The following DNAJB1 variants were observed in gnomAD, a reference collection of about 807,000 sequenced individuals.
DNAJB1 encodes dnaJ homolog subfamily B member 1.
A neutral mutation model predicts 24.0 loss-of-function variants in DNAJB1; 14 were observed. The ratio of observed to expected loss-of-function variants is 0.58; its 90% CI spans 0.39 to 0.91. DNAJB1 has a LOEUF of 0.91. Among genes scored for constraint, DNAJB1 ranks in the 40% least tolerant of loss-of-function variants. The pLI is 0.00. For synonymous variants in DNAJB1, 262 were observed against 174.4 expected (o/e 1.50, Z -3.96); for missense variants, 517 against 458.1 (o/e 1.13, Z -1.17).
chr19:14,530,617 T>C (rs2072604879), upstream of DNAJB1: 1 of 152,188 alleles, frequency 6.6e-6, no homozygotes, highest in Non-Finnish European at 1.5e-5. Flanking sequence ...ATAAAGTGAC[T>C]TGTTCAAAGG....
rs576289631 is a variant in DNAJB1, at chr19:14,548,764, A to G, written c.-214+1444T>C. Among the ~76,000 whole-genome samples the G allele has an allele frequency of 1.8e-3, 280 of 152,026 alleles. 3 individuals are homozygous for G. The highest frequency in any genetic ancestry group is 0.014 in the Middle Eastern group (4 of 294). On this transcript the variant is annotated intron_variant, in intron 1 of 3. Transcript: ENST00000676982. ...GGCTAATTTTTGTATTTTGGTAGAG[A>G]CGGGTTCACCATGTTGGCCAGGCTG...
chr19:14,557,341 A>T (rs1300824976), intron 1 of DNAJB1, among the ~76,000 whole-genome samples: 2 of 150,686 alleles, frequency 1.3e-5, no homozygotes, highest in Non-Finnish European at 3.0e-5. Flanking sequence ...GGGTTTCACC[A>T]TGTTGGGCAG....
At chr19:14,557,504 T>A (rs1333092004) in intron 1 of DNAJB1, among the ~76,000 whole-genome samples, 2 of 149,938 alleles carry the variant, frequency 1.3e-5, no homozygotes, top group African/African-American at 4.9e-5. Flanking sequence ...CAGGCTGGAG[T>A]GCAGTGGTGC....
At position 14,518,364 on chromosome 19, in the gene DNAJB1, G is replaced by A. The variant is rs754487466; in HGVS notation, c.-15C>T. On this transcript the variant is annotated 5_prime_UTR_variant, in exon 1 of 3. Transcript: ENST00000254322. ...TCTTTACCCATGACCCCCTCCTGCG[G>A]CCCGCCGACCCGCTGTCGCCGTCCC... is the stretch of plus-strand genomic sequence containing the variant. 46 of 1,537,430 alleles carry A rather than the reference G, an allele frequency of 3.0e-5. No individual in the cohort carries two copies. The highest frequency in any genetic ancestry group is 3.7e-5 in the South Asian group (3 of 81,924).
intron 2 of DNAJB1, among the ~76,000 whole-genome samples, chr19:14,524,284 T>C (rs959709951): frequency 6.6e-6 from 1 of 152,044 alleles, no homozygotes; most frequent in Non-Finnish European, 1.5e-5. Flanking sequence ...ATCCCAGCAC[T>C]TTTGGAGGCC....
At chr19:14,543,423 T>TA (rs1568406097) in intron 1 of DNAJB1, among the ~76,000 whole-genome samples, 2 of 7,526 alleles carry the variant, frequency 2.7e-4, no homozygotes, top group African/African-American at 7.5e-4. Context: ...ATATATATTT[T>TA]TTTTTTTTTT....
At chr19:14,532,644 G>A (rs2072717739), upstream of DNAJB1, 1 of 152,080 alleles carries the variant, frequency 6.6e-6, no homozygotes, top group Admixed American at 6.6e-5. Context: ...ACCCATAGAG[G>A]CGATAGCTAC....
chr19:14,539,068 G>C (rs2073005434), intron 1 of DNAJB1, among the ~76,000 whole-genome samples: 1 of 149,922 alleles, frequency 6.7e-6, no homozygotes, highest in Non-Finnish European at 1.5e-5. Flanking sequence ...CCGCCTCCCG[G>C]GTTCATGCGA....
At chr19:14,558,404 CT>C (rs1180431166) in intron 1 of DNAJB1, among the ~76,000 whole-genome samples, 1 of 152,234 alleles carries the variant, frequency 6.6e-6, no homozygotes, top group Non-Finnish European at 1.5e-5. Context: ...AACCTCGCCC[CT>C]GCTCCCTCTT....
intron 1 of DNAJB1, among the ~76,000 whole-genome samples, chr19:14,542,188 C>T (rs552805463): frequency 5.2e-4 from 79 of 152,070 alleles, no homozygotes; most frequent in African/African-American, 1.9e-3. Context: ...TGGTCTCCAA[C>T]TCTTGGGCTC....
chr19:14,553,409 A>G (rs1480718155), upstream of DNAJB1, among the ~76,000 whole-genome samples: 2 of 151,652 alleles, frequency 1.3e-5, no homozygotes, highest in Non-Finnish European at 2.9e-5. Context: ...CTTCCTCCCC[A>G]CCCTGGGTGA....
In DNAJB1 at chr19:14,516,668, A is replaced by G. The variant is rs1275237222; in HGVS notation, c.590T>C (p.Ile197Thr). The G allele has an allele frequency of 6.2e-7, 1 of 1,613,886 alleles. No homozygotes were observed. Among genetic ancestry groups the G allele is most frequent in the Non-Finnish European group, 8.5e-7 (1 of 1,179,960 alleles). ...GGTCAATATTTTGTCTTCGTTTCGAATGCTCTTTCCGTCGGGGTTTAGCCG... is the reference window on the plus strand; with the variant it reads ...GGTCAATATTTTGTCTTCGTTTCGAGTGCTCTTTCCGTCGGGGTTTAGCCG... ...HKRLNPDGKS[I>T]RNEDKILTIE... is the part of the protein sequence containing the mutation. The change falls in exon 2 of 3, where the codon ATT (isoleucine) becomes ACT (threonine). Residue 197 changes from isoleucine (I) to threonine (T), a missense_variant. By Grantham distance (89) the Ile-to-Thr change is moderately conservative. Coordinates refer to ENST00000254322, the MANE Select transcript of DNAJB1 (RefSeq NM_006145.3).
In DNAJB1 at chr19:14,518,391, C is replaced by G. The variant is rs758066314; in HGVS notation, c.-42G>C. The G allele has an allele frequency of 5.3e-6, 8 of 1,514,472 alleles. No homozygotes were observed. Among genetic ancestry groups the G allele is most frequent in the Non-Finnish European group, 6.1e-6 (7 of 1,141,152 alleles). 93.8% of individuals were successfully genotyped at this position (1,514,472 alleles called of 1,614,324 possible). On this transcript the variant is annotated 5_prime_UTR_variant, in exon 1 of 3. Coordinates refer to ENST00000254322, the MANE Select transcript of DNAJB1 (RefSeq NM_006145.3). ...CCGCCGACCCGCTGTCGCCGTCCCC[C>G]GGCTCCGCCGCCGACCAGTCCCGGA...
At chr19:14,555,881 C>G (rs868086621) in intron 1 of DNAJB1, among the ~76,000 whole-genome samples, 3 of 152,200 alleles carry the variant, frequency 2.0e-5, no homozygotes, top group African/African-American at 7.2e-5. Flanking sequence ...CCACTGCGCC[C>G]AGCCCACTTT....
chr19:14,547,832 G>GT (rs201720177), intron 1 of DNAJB1, among the ~76,000 whole-genome samples: 194 of 148,582 alleles, frequency 1.3e-3, no homozygotes, highest in Non-Finnish European at 2.1e-3. Context: ...GGCTACTTTT[G>GT]TTTTTTTTTG....
upstream of DNAJB1, among the ~76,000 whole-genome samples, chr19:14,551,752 C>T (rs890113208): frequency 6.6e-6 from 1 of 151,988 alleles, no homozygotes; most frequent in Non-Finnish European, 1.5e-5. Context: ...GTCCTCAGGC[C>T]AGGCAGAGAG....
chr19:14,529,700 A>G, upstream of DNAJB1: 1 of 1,614,104 alleles, frequency 6.2e-7, no homozygotes, highest in Non-Finnish European at 8.5e-7. Flanking sequence ...GGGAGCCATG[A>G]AGCATTACGA....
chr19:14,555,131 G>A (rs1404995451), upstream of DNAJB1, among the ~76,000 whole-genome samples: 4 of 151,418 alleles, frequency 2.6e-5, no homozygotes, highest in Admixed American at 6.6e-5. Context: ...CAGGGGTGCC[G>A]TAGTGTAATC....
intron 2 of DNAJB1, among the ~76,000 whole-genome samples, chr19:14,524,845 C>CAAAAGAAAAAAA (rs2072400922): frequency 8.9e-6 from 1 of 112,200 alleles, no homozygotes; most frequent in Non-Finnish European, 1.7e-5. Context: ...GACTCGTTCT[C>CAAAAGAAAAAAA]AAAAAAAAAA....
Sources: gnomAD v4.1 joint callset for allele counts (sites outside exome capture counted in the v4.1 genomes callset) on GRCh38, gnomAD v4.1.1 for gene constraint, MANE v1.5 for transcripts, NCBI Gene and HGNC (gene_info 2026-07-23, HGNC 2026-07-21) for gene names.